COQ8A: variants seen among roughly 807,000 people sequenced by gnomAD.
COQ8A encodes atypical kinase COQ8A, mitochondrial.
Under a neutral mutation model 65.0 loss-of-function variants are expected in COQ8A, and 51 were observed. That is an observed-to-expected ratio of 0.78 (90% CI 0.63 to 0.99). The LOEUF is 0.99. Among genes scored for constraint, COQ8A ranks in the 50% least tolerant of loss-of-function variants. The pLI, the probability that COQ8A is intolerant of heterozygous loss-of-function variation, is 0.00. For synonymous variants in COQ8A, 371 were observed against 353.2 expected, an observed-to-expected ratio of 1.05 and a Z score of -0.57; for missense variants, 940 against 875.0, an observed-to-expected ratio of 1.07 and a Z score of -0.94.
At position 226,985,291 on chromosome 1, in the gene COQ8A, T is replaced by G. The variant is rs199724504; in HGVS notation, c.1610T>G (p.Val537Gly). The G allele has an allele frequency of 1.4e-5, 22 of 1,613,732 alleles. No homozygotes were observed. The Admixed American group carries it at 2.7e-4, about 20-fold the overall frequency. The change falls in exon 14 of 15, where the codon GTG becomes GGG. Residue 537 changes from valine to glycine, a missense_variant. Coordinates refer to ENST00000366777, the MANE Select transcript of COQ8A (RefSeq NM_020247.5). ...GCTGCCGACAGGGACAGGGAGACTG[T>G]GCGGGCGAAATCCATAGAGATGAAG... ...RAAADRDRET[V>G]RAKSIEMKFL...
rs551800133 is a variant in COQ8A, at chr1:226,985,514, C to T, written c.1659+174C>T. Among the ~76,000 whole-genome samples, 590 of 152,298 alleles carry T rather than the reference C, an allele frequency of 3.9e-3. 3 individuals are homozygous for T. The highest frequency in any genetic ancestry group is 6.3e-3 in the Non-Finnish European group (426 of 68,016). On this transcript the variant is annotated intron_variant, in intron 14 of 14. Transcript: ENST00000366777. ...CCCCGGCCCATGCTGCCCTGCTGAG[C>T]GTGAGATTTTCCGAGTGGGCCAGTG...
chr1:226,948,328 C>T (rs999280582), intron 1 of COQ8A, among the ~76,000 whole-genome samples: 11 of 152,206 alleles, frequency 7.2e-5, no homozygotes, highest in African/African-American at 2.4e-4. Context: ...CTCGTTCTGA[C>T]TCTGCCCTGC....
In COQ8A at chr1:226,965,119, C is replaced by G. The variant is rs543084403; in HGVS notation, c.297C>G (p.Pro99=). The change falls in exon 3 of 15, where the codon CCC becomes CCG. Residue 99 remains proline, a synonymous_variant. Transcript: ENST00000366777. ...CAGACTTCTCTTCAGCCTCCGCTCC[C>G]GACCAGTCAGCGCCCCCATCCCTGG... ...ASTDFSSASA[P]DQSAPPSLGH... 6.2e-7 allele frequency: 1 copy of G among 1,613,998 alleles called. No homozygotes were observed. Among genetic ancestry groups the G allele is most frequent in the Non-Finnish European group, 8.5e-7 (1 of 1,180,052 alleles).
chr1:226,982,224 G>C, intron 6 of COQ8A, 75 bp downstream of exon 6: 1 of 1,527,242 alleles, frequency 6.5e-7, no homozygotes, highest in Non-Finnish European at 8.8e-7. Flanking sequence ...GCCGGGAGCA[G>C]TGGCCCCACC....
intron 1 of COQ8A, among the ~76,000 whole-genome samples, chr1:226,959,887 A>T (rs1398688976): frequency 6.6e-6 from 1 of 152,254 alleles, no homozygotes; most frequent in Admixed American, 6.5e-5. Flanking sequence ...GATGGCTTAT[A>T]TATTTGCCAC....
At chr1:226,950,298 G>T (rs1293535847) in intron 1 of COQ8A, among the ~76,000 whole-genome samples, 1 of 152,168 alleles carries the variant, frequency 6.6e-6, no homozygotes, top group African/African-American at 2.4e-5. Context: ...TCCCAACCCA[G>T]TGCTCACCAC....
chr1:226,970,819 G>A (rs1182339041), intron 4 of COQ8A, among the ~76,000 whole-genome samples: 2 of 151,950 alleles, frequency 1.3e-5, no homozygotes, highest in South Asian at 4.1e-4. Flanking sequence ...CCTTTTTTGT[G>A]TTTCTTTCTT....
At chr1:226,953,355 G>T (rs943277023) in intron 1 of COQ8A, among the ~76,000 whole-genome samples, 1 of 152,236 alleles carries the variant, frequency 6.6e-6, no homozygotes, top group African/African-American at 2.4e-5. Context: ...TGACTATGTG[G>T]AATGCCCTCC....
At chr1:226,962,519 G>T (rs1658312241) in intron 2 of COQ8A, among the ~76,000 whole-genome samples, 1 of 152,204 alleles carries the variant, frequency 6.6e-6, no homozygotes, top group Admixed American at 6.5e-5. Flanking sequence ...TGTTGCGCGT[G>T]TGCACCTGTG....
chr1:226,965,565 C>A, intron 3 of COQ8A, 106 bp from the exon 4 acceptor site: 3 of 1,511,298 alleles, frequency 2.0e-6, no homozygotes, highest in Non-Finnish European at 2.7e-6. Flanking sequence ...TCAGGCGGAG[C>A]TGCTGACTGT....
chr1:226,953,098 T>C (rs1207252395), intron 1 of COQ8A, among the ~76,000 whole-genome samples: 5 of 152,214 alleles, frequency 3.3e-5, no homozygotes, highest in African/African-American at 9.6e-5. Flanking sequence ...GGCATGATCT[T>C]GGCTCACTGC....
chr1:226,965,026 T>G lies in COQ8A; in HGVS notation c.204T>G (p.Phe68Leu). 1 of 1,614,080 alleles carries G rather than the reference T, an allele frequency of 6.2e-7. No individual in the cohort carries two copies. The highest frequency in any genetic ancestry group is 1.1e-5 in the South Asian group (1 of 91,092). ...VQGQDKHEEY[F>L]AENFGGPEGE... ...GTCAGGATAAACATGAAGAATATTT[T>G]GCTGAGAACTTCGGCGGCCCAGAAG... is the stretch of plus-strand genomic sequence containing the variant. Residue 68 changes from phenylalanine (F) to leucine (L), a missense_variant, in exon 3 of 15, where the codon TTT (phenylalanine) becomes TTG (leucine). By Grantham distance (22) the Phe-to-Leu change is conservative. Coordinates refer to ENST00000366777, the MANE Select transcript of COQ8A (RefSeq NM_020247.5).
chr1:226,943,991 C>T (rs1459855337), intron 1 of COQ8A, among the ~76,000 whole-genome samples: 1 of 152,012 alleles, frequency 6.6e-6, no homozygotes, highest in Non-Finnish European at 1.5e-5. Flanking sequence ...GGGGCTCTGG[C>T]ACCCCAGGAG....
intron 5 of COQ8A, 42 bp downstream of exon 5, chr1:226,977,565 G>A: frequency 6.5e-7 from 1 of 1,540,454 alleles, no homozygotes; most frequent in Non-Finnish European, 8.8e-7. Context: ...GTGGGCCCCG[G>A]GAGGGTTGAG....
At chr1:226,983,158 ATG>A in intron 8 of COQ8A, 124 bp downstream of exon 8, 1 of 1,383,660 alleles carries the variant, frequency 7.2e-7, no homozygotes, top group African/African-American at 1.5e-5. Context: ...GCAGGGCCAT[ATG>A]TGGTGTCTTC....
intron 4 of COQ8A, among the ~76,000 whole-genome samples, chr1:226,969,461 C>T (rs1033585045): frequency 6.6e-6 from 1 of 152,120 alleles, no homozygotes; most frequent in Non-Finnish European, 1.5e-5. Flanking sequence ...AAGTCTCGAT[C>T]TCCTGACCTC....
intron 1 of COQ8A, among the ~76,000 whole-genome samples, chr1:226,955,446 TTGGCTGCCACTCTCCC>T (rs1657637558): frequency 8.8e-6 from 1 of 113,698 alleles, no homozygotes; most frequent in South Asian, 3.4e-4. Context: ...CACACTCTCC[TTGGCTGCCACTCTCCC>T]TGGCTCCTAC....
chr1:226,951,321 G>A lies in COQ8A; in HGVS notation c.-9-10056G>A, dbSNP rs111408347. ...GTGGACCAACAACGTGGAGGGGAAT[G>A]CGGGTGTCTGCAGTTAGGCTGTGAG... On this transcript the variant is annotated intron_variant, in intron 1 of 14. Coordinates refer to ENST00000366777, the MANE Select transcript of COQ8A (RefSeq NM_020247.5). Among the ~76,000 whole-genome samples the A allele has an allele frequency of 2.8e-3, 424 of 152,336 alleles. 3 individuals are homozygous for A. Among genetic ancestry groups the A allele is most frequent in the East Asian group, 0.024 (122 of 5,180 alleles).
chr1:226,983,178 A>G, intron 8 of COQ8A, 144 bp downstream of exon 8: 1 of 1,259,252 alleles, frequency 7.9e-7, no homozygotes, highest in African/African-American at 1.5e-5. Flanking sequence ...TTCTGGCCCC[A>G]GTGCCTGGAC....
Sources: allele counts gnomAD v4.1 joint callset (sites outside exome capture counted in the v4.1 genomes callset), GRCh38; gene constraint gnomAD v4.1.1; transcripts MANE v1.5; gene names NCBI Gene and HGNC (gene_info 2026-07-23, HGNC 2026-07-21).